The following NAA60 variants were observed in gnomAD, a reference collection of about 807,000 sequenced individuals.
NAA60 encodes the protein N-alpha-acetyltransferase 60, NatF catalytic subunit, also known as N-alpha-acetyltransferase 60.
NAA60 carries 8 observed loss-of-function variants against 26.1 expected under a neutral mutation model. That is an observed-to-expected ratio of 0.31 (90% confidence interval 0.18 to 0.55). The LOEUF (loss-of-function observed/expected upper bound fraction) is 0.55. NAA60 is among the 20% of genes least tolerant of loss of function. The probability of loss-of-function intolerance (pLI) is 0.93; values close to 1 mark genes in which losing one functional copy is unlikely to be tolerated. For synonymous variants in NAA60, 131 were observed against 122.5 expected (o/e 1.07, Z -0.46); for missense variants, 290 against 311.3 (o/e 0.93, Z 0.51).
chr16:3,465,525 G>A (rs547152555), intron 2 of NAA60, among the ~76,000 whole-genome samples: 1 of 152,278 alleles, frequency 6.6e-6, no homozygotes, highest in East Asian at 1.9e-4. Context: ...TGGCTCAAGA[G>A]CAGGGAAGGT....
In NAA60 at chr16:3,455,397, T is replaced by G. The variant is rs532984232; in HGVS notation, c.-7+6857T>G. On this transcript the variant is annotated intron_variant, in intron 2 of 7. Coordinates refer to ENST00000407558, the MANE Select transcript of NAA60 (RefSeq NM_001083601.3). ...AAAAAGAGTTTTTAGTTTTTTTTTTTTTTTTTTTTTTGAGACGGAGTCTCG... is the reference window on the plus strand; with the variant it reads ...AAAAAGAGTTTTTAGTTTTTTTTTTGTTTTTTTTTTTGAGACGGAGTCTCG... Among the ~76,000 whole-genome samples, 155 of 145,630 alleles carry G rather than the reference T, an allele frequency of 1.1e-3. 1 individual carries two copies. The highest frequency in any genetic ancestry group is 3.5e-3 in the Middle Eastern group (1 of 286).
chr16:3,452,696 C>T (rs1441255382), intron 2 of NAA60, among the ~76,000 whole-genome samples: 1 of 151,692 alleles, frequency 6.6e-6, no homozygotes, highest in South Asian at 2.1e-4. Flanking sequence ...GTGGCTCACA[C>T]CAGTAATCCC....
chr16:3,474,610 C>A (rs1326163758), intron 2 of NAA60, among the ~76,000 whole-genome samples: 1 of 152,236 alleles, frequency 6.6e-6, no homozygotes, highest in African/African-American at 2.4e-5. Flanking sequence ...AGAGGCTGGG[C>A]TCGCCCTGCC....
At chr16:3,458,210 C>T (rs1215340831) in intron 2 of NAA60, 1 of 982,904 alleles carries the variant, frequency 1.0e-6, no homozygotes, top group Non-Finnish European at 1.2e-6. Context: ...GCCGCCGGGG[C>T]TCGGACCTGC....
upstream of NAA60, chr16:3,443,665 T>G (rs142335693): frequency 1.9e-4 from 257 of 1,357,046 alleles, no homozygotes; most frequent in African/African-American, 3.5e-3. Context: ...CCTCCTTTTC[T>G]CTAAGCAACC....
chr16:3,457,161 C>T (rs1306851167), intron 2 of NAA60, among the ~76,000 whole-genome samples: 3 of 152,102 alleles, frequency 2.0e-5, no homozygotes, highest in Non-Finnish European at 1.5e-5. Flanking sequence ...AATATACAGC[C>T]CAGGTTGGTC....
chr16:3,447,395 A>C lies in NAA60; in HGVS notation c.-76-1076A>C, dbSNP rs939293621. The C allele has an allele frequency of 2.0e-5, 17 of 861,832 alleles. No homozygotes were observed. In the African/African-American group the frequency reaches 3.1e-4, roughly 16 times the overall value. 53.4% of individuals were successfully genotyped at this position (861,832 alleles called of 1,614,324 possible). A position where few individuals can be genotyped will look rare whatever the true frequency, so the allele number is the denominator to read the frequency against. On this transcript the variant is annotated intron_variant, in intron 1 of 7. Transcript: ENST00000407558. ...AGGCATGCAATGTGTAATCACTTCAAGGTAAATGGGGTATCTTCCCTGGCG... is the reference window on the plus strand; with the variant it reads ...AGGCATGCAATGTGTAATCACTTCACGGTAAATGGGGTATCTTCCCTGGCG...
intron 4 of NAA60, among the ~76,000 whole-genome samples, chr16:3,479,902 A>T (rs1313644968): frequency 6.6e-6 from 1 of 152,196 alleles, no homozygotes; most frequent in East Asian, 1.9e-4. Context: ...GTGCTATGAA[A>T]ATACCCCTGA....
Position 3,476,211 on chromosome 16 carries a change from CTT to C in NAA60, c.-6-10_-6-9del. The C allele has an allele frequency of 1.3e-6, 2 of 1,591,146 alleles. No individual in the cohort carries two copies. Among genetic ancestry groups the C allele is most frequent in the Non-Finnish European group, 1.7e-6 (2 of 1,163,166 alleles). ...TGTGAGGTGACGCGTCCCCCCCACC[CTT>C]CCCCACAGGTGTGAATGACAGAGGT... On this transcript the variant is annotated splice_polypyrimidine_tract_variant and intron_variant, in intron 2 of 7. Coordinates refer to ENST00000407558, the MANE Select transcript of NAA60 (RefSeq NM_001083601.3).
chr16:3,457,237 G>T (rs944842083), intron 2 of NAA60, among the ~76,000 whole-genome samples: 9 of 152,148 alleles, frequency 5.9e-5, no homozygotes, highest in Non-Finnish European at 1.0e-4. Context: ...CTTGAGGCCA[G>T]GGGTTCAAGA....
chr16:3,460,977 G>A (rs374049625), intron 2 of NAA60, among the ~76,000 whole-genome samples: 2 of 151,994 alleles, frequency 1.3e-5, no homozygotes, highest in African/African-American at 4.8e-5. Flanking sequence ...TGTATCACCC[G>A]GGCTGGTCTC....
chr16:3,446,724 C>T (rs1249191330), intron 1 of NAA60, among the ~76,000 whole-genome samples: 3 of 151,238 alleles, frequency 2.0e-5, no homozygotes, highest in Admixed American at 2.0e-4. Context: ...GATTCTTGTG[C>T]CTCAGCTACC....
intron 2 of NAA60, among the ~76,000 whole-genome samples, chr16:3,468,791 A>G (rs2035928700): frequency 1.3e-5 from 2 of 152,148 alleles, no homozygotes; most frequent in East Asian, 1.9e-4. Context: ...AATTCAAGGG[A>G]GTGGCCGGGC....
At chr16:3,472,139 T>G (rs551310101) in intron 2 of NAA60, 21 of 152,182 alleles carry the variant, frequency 1.4e-4, no homozygotes, top group African/African-American at 5.1e-4. Context: ...GGGCCCTGAG[T>G]AGTATGCACC....
At chr16:3,464,203 T>A (rs2035595905) in intron 2 of NAA60, among the ~76,000 whole-genome samples, 1 of 152,116 alleles carries the variant, frequency 6.6e-6, no homozygotes, top group African/African-American at 2.4e-5. Context: ...ATTTTTGCAT[T>A]TTTAGTAGAG....
chr16:3,449,497 G>A (rs776302352), intron 2 of NAA60, among the ~76,000 whole-genome samples: 6 of 151,950 alleles, frequency 3.9e-5, no homozygotes, highest in Non-Finnish European at 7.4e-5. Flanking sequence ...CAGACTGGGC[G>A]ACAGAGCAAG....
chr16:3,476,201 C>A (rs751527322), intron 2 of NAA60, 21 bp from the exon 3 acceptor site: 15 of 1,330,720 alleles, frequency 1.1e-5, no homozygotes, highest in Admixed American at 1.8e-5. Context: ...GGTGACGCGT[C>A]CCCCCCACCC....
chr16:3,482,474 C>G, intron 4 of NAA60, 28 bp from the exon 5 acceptor site: 1 of 1,557,152 alleles, frequency 6.4e-7, no homozygotes, highest in Non-Finnish European at 8.7e-7. Flanking sequence ...ACGTGTGAGC[C>G]TGACTTTCTC....
chr16:3,484,046 T>C (rs550604572), intron 6 of NAA60, among the ~76,000 whole-genome samples: 1 of 152,310 alleles, frequency 6.6e-6, no homozygotes, highest in South Asian at 2.1e-4. Context: ...ACCTTCCTTA[T>C]AGGATGCATG....
Sources: allele counts gnomAD v4.1 joint callset (sites outside exome capture counted in the v4.1 genomes callset), GRCh38; gene constraint gnomAD v4.1.1; transcripts MANE v1.5; gene names NCBI Gene and HGNC (gene_info 2026-07-23, HGNC 2026-07-21).